GLRB: variants seen among roughly 807,000 people sequenced by gnomAD.
GLRB encodes the protein glycine receptor beta, also known as glycine receptor subunit beta.
In GLRB, 33 loss-of-function variants were observed where a neutral mutation model predicts 54.2. The observed-to-expected ratio is 0.61, with a 90% CI of 0.46 to 0.81. The LOEUF (loss-of-function observed/expected upper bound fraction) is 0.81. GLRB is among the 40% of genes least tolerant of loss of function. The pLI, the probability that GLRB is intolerant of heterozygous loss-of-function variation, is 0.00. For synonymous variants in GLRB, 209 were observed against 208.2 expected, an observed-to-expected ratio of 1.00 and a Z score of -0.03; for missense variants, 572 against 584.6, an observed-to-expected ratio of 0.98 and a Z score of 0.22.
chr4:157,169,197 AATAAT>A (rs1487350167), intron 9 of GLRB, among the ~76,000 whole-genome samples: 7 of 152,126 alleles, frequency 4.6e-5, no homozygotes, highest in African/African-American at 1.4e-4. Flanking sequence ...GTGATATACT[AATAAT>A]ATACAATTAA....
chr4:157,131,510 A>T (rs1453383121), intron 4 of GLRB, among the ~76,000 whole-genome samples: 1 of 151,750 alleles, frequency 6.6e-6, no homozygotes, highest in Non-Finnish European at 1.5e-5. Flanking sequence ...ATGTATAATG[A>T]TATATATTCA....
intron 2 of GLRB, among the ~76,000 whole-genome samples, chr4:157,111,646 A>G (rs570158273): frequency 5.3e-4 from 80 of 152,132 alleles, no homozygotes; most frequent in Admixed American, 1.7e-3. Flanking sequence ...AGATTGATCC[A>G]TTTGTTGTTG....
At chr4:157,077,826 A>T (rs938557607) in intron 1 of GLRB, among the ~76,000 whole-genome samples, 170 bp from the exon 2 acceptor site, 3 of 150,714 alleles carry the variant, frequency 2.0e-5, no homozygotes, top group Non-Finnish European at 4.5e-5. Flanking sequence ...ACTACTATAT[A>T]AAAAATACTA....
At chr4:157,168,241 A>C (rs1737789871) in intron 9 of GLRB, among the ~76,000 whole-genome samples, 1 of 152,078 alleles carries the variant, frequency 6.6e-6, no homozygotes, top group Non-Finnish European at 1.5e-5. Flanking sequence ...TTGAGCTCTC[A>C]CAATTGGTAA....
chr4:157,081,395 A>C (rs1012449169), intron 2 of GLRB, among the ~76,000 whole-genome samples: 1 of 152,078 alleles, frequency 6.6e-6, no homozygotes, highest in African/African-American at 2.4e-5. Flanking sequence ...CCATACATCC[A>C]CCATTTCAAC....
intron 2 of GLRB, among the ~76,000 whole-genome samples, chr4:157,091,003 A>G (rs1734589170): frequency 6.6e-6 from 1 of 152,126 alleles, no homozygotes; most frequent in Non-Finnish European, 1.5e-5. Context: ...AAATATTCAA[A>G]TCTGAATTAC....
At chr4:157,097,712 G>A (rs941023963) in intron 2 of GLRB, among the ~76,000 whole-genome samples, 1 of 152,112 alleles carries the variant, frequency 6.6e-6, no homozygotes, top group Admixed American at 6.6e-5. Context: ...AACAAATAGA[G>A]CATTTCTAGT....
At chr4:157,106,806 G>A (rs1397902266) in intron 2 of GLRB, among the ~76,000 whole-genome samples, 1 of 152,010 alleles carries the variant, frequency 6.6e-6, no homozygotes, top group Non-Finnish European at 1.5e-5. Context: ...CTTGCCGATA[G>A]CCTATCCTAA....
intron 9 of GLRB, among the ~76,000 whole-genome samples, chr4:157,158,956 T>C (rs1031591312): frequency 6.6e-6 from 1 of 152,160 alleles, no homozygotes; most frequent in Admixed American, 6.5e-5. Context: ...ATTCTTCCTA[T>C]CCATGAGCAT....
At chr4:157,105,347 T>C (rs1735184769) in intron 2 of GLRB, among the ~76,000 whole-genome samples, 1 of 152,094 alleles carries the variant, frequency 6.6e-6, no homozygotes, top group Non-Finnish European at 1.5e-5. Context: ...CTTTTGATGC[T>C]GATTTCCAGT....
intron 2 of GLRB, among the ~76,000 whole-genome samples, chr4:157,093,023 T>C (rs1734675496): frequency 1.3e-5 from 2 of 152,240 alleles, no homozygotes; most frequent in South Asian, 4.1e-4. Flanking sequence ...CTTGCCACTA[T>C]ATTTATGTTT....
rs77776754 is a variant in GLRB at position 157,100,474 on chromosome 4, C to T, written c.123-20082C>T. 3.4e-4 allele frequency among the ~76,000 whole-genome samples: 51 copies of T among 152,218 alleles called. 1 individual carries two copies. In the East Asian group the frequency reaches 9.3e-3, roughly 28 times the overall value. On this transcript the variant is annotated intron_variant, in intron 2 of 9. Coordinates refer to ENST00000264428, the MANE Select transcript of GLRB (RefSeq NM_000824.5). ...TTAGTCTTGTGCCAGTAACACACTC[C>T]CCTATTACTAAGGCTGAATGCCTAG...
intron 2 of GLRB, among the ~76,000 whole-genome samples, chr4:157,091,092 TA>T (rs1443074433): frequency 6.6e-6 from 1 of 152,162 alleles, no homozygotes; most frequent in East Asian, 1.9e-4. Flanking sequence ...CTATTAAATC[TA>T]TTAAGTTCAG....
chr4:157,089,099 A>G (rs1372691805), intron 2 of GLRB, among the ~76,000 whole-genome samples: 3 of 152,214 alleles, frequency 2.0e-5, no homozygotes, highest in Non-Finnish European at 4.4e-5. Context: ...TACTTTTAAT[A>G]AAGATTTCGG....
At chr4:157,139,397 C>G (rs1579232148) in intron 7 of GLRB, among the ~76,000 whole-genome samples, 1 of 152,032 alleles carries the variant, frequency 6.6e-6, no homozygotes, top group African/African-American at 2.4e-5. Context: ...GATCCTTATG[C>G]TATGCAGGAA....
intron 9 of GLRB, among the ~76,000 whole-genome samples, chr4:157,153,914 C>T (rs1258056160): frequency 6.6e-6 from 1 of 152,212 alleles, no homozygotes; most frequent in African/African-American, 2.4e-5. Flanking sequence ...GTCCCCTCAC[C>T]TAGAATGCTA....
At chr4:157,084,763 A>G (rs1210265747) in intron 2 of GLRB, 1 of 452,342 alleles carries the variant, frequency 2.2e-6, no homozygotes, top group Non-Finnish European at 4.4e-6. Flanking sequence ...ATTCAATGCC[A>G]CTATATGCTG....
At chr4:157,146,463 A>G (rs1016688490) in intron 8 of GLRB, among the ~76,000 whole-genome samples, 1 of 152,154 alleles carries the variant, frequency 6.6e-6, no homozygotes, top group Non-Finnish European at 1.5e-5. Flanking sequence ...CAGTTAGGAG[A>G]CAATTGCAAT....
intron 2 of GLRB, chr4:157,078,353 C>CT: frequency 2.6e-6 from 1 of 379,578 alleles, no homozygotes; most frequent in Non-Finnish European, 3.6e-6. Flanking sequence ...TTATAGTTTT[C>CT]TTTTTTTAAA....
Sources: allele counts gnomAD v4.1 joint callset (sites outside exome capture counted in the v4.1 genomes callset), GRCh38; gene constraint gnomAD v4.1.1; transcripts MANE v1.5; gene names NCBI Gene and HGNC (gene_info 2026-07-23, HGNC 2026-07-21).